Variants in STXBP3 observed in about 807,000 individuals in gnomAD.
STXBP3 encodes the protein syntaxin binding protein 3, also known as syntaxin-binding protein 3.
Under a neutral mutation model 85.7 loss-of-function variants are expected in STXBP3, and 41 were observed. That is an observed-to-expected ratio of 0.48 (90% CI 0.37 to 0.62). STXBP3 has a LOEUF of 0.62. Ranked by LOEUF, STXBP3 falls within the 20% of genes least tolerant of loss-of-function variation. The pLI, the probability that STXBP3 is intolerant of heterozygous loss-of-function variation, is 0.00. For missense variants in STXBP3, 563 were observed against 703.1 expected, an observed-to-expected ratio of 0.80 and a Z score of 2.25; for synonymous variants, 229 against 231.7, an observed-to-expected ratio of 0.99 and a Z score of 0.10.
chr1:108,759,873 A>G lies in STXBP3; in HGVS notation c.338-112A>G, dbSNP rs1662100233. On this transcript the variant is annotated intron_variant, in intron 5 of 18. Coordinates refer to ENST00000370008, the MANE Select transcript of STXBP3 (RefSeq NM_007269.4). ...TTTATATATTATTTATGTCCTCATA[A>G]TAACTGTGAAAGCCAGTAATTATGT... The G allele has an allele frequency of 5.9e-6, 4 of 674,628 alleles. No individual in the cohort carries two copies. In the East Asian group the frequency reaches 1.2e-4, roughly 20 times the overall value. 41.8% of individuals were successfully genotyped at this position (674,628 alleles called of 1,614,324 possible).
intron 12 of STXBP3, 68 bp from the exon 13 acceptor site, chr1:108,794,759 G>T: frequency 7.1e-7 from 1 of 1,416,818 alleles, no homozygotes; most frequent in Non-Finnish European, 9.8e-7. Context: ...TGTCTCAAAA[G>T]TTTAATATTA....
At chr1:108,778,618 A>G (rs1662639885) in intron 8 of STXBP3, among the ~76,000 whole-genome samples, 1 of 152,188 alleles carries the variant, frequency 6.6e-6, no homozygotes, top group Non-Finnish European at 1.5e-5. Context: ...GAATTAAATG[A>G]AATAGTCCAT....
intron 6 of STXBP3, among the ~76,000 whole-genome samples, chr1:108,761,664 T>C (rs542731391): frequency 6.6e-6 from 1 of 152,204 alleles, no homozygotes; most frequent in South Asian, 2.1e-4. Flanking sequence ...TTTACTTACT[T>C]GAAAAGAGTC....
chr1:108,750,628 A>G (rs1557798481), intron 1 of STXBP3, among the ~76,000 whole-genome samples: 1 of 152,188 alleles, frequency 6.6e-6, no homozygotes, highest in Non-Finnish European at 1.5e-5. Context: ...CAGAATTGAA[A>G]TGAATTGTAG....
At chr1:108,776,242 A>T in intron 7 of STXBP3, 91 bp from the exon 8 acceptor site, 1 of 793,012 alleles carries the variant, frequency 1.3e-6, no homozygotes, top group Non-Finnish European at 1.8e-6. Flanking sequence ...CATTTTTTAA[A>T]TTTCAGTTTA....
chr1:108,782,040 A>C (rs1259042561), intron 9 of STXBP3: 1 of 158,540 alleles, frequency 6.3e-6, no homozygotes, highest in Non-Finnish European at 1.4e-5. Context: ...GAAATTTGAT[A>C]ATTGTACTGT....
At position 108,758,529 on chromosome 1, in the gene STXBP3, A is replaced by G. The variant is rs764573268; in HGVS notation, c.278A>G (p.His93Arg). The change falls in exon 5 of 19, where the codon CAT (histidine) becomes CGT (arginine). Residue 93 changes from histidine (H) to arginine (R), a missense_variant. Transcript: ENST00000370008. ...TTTAAGTCTGTAGATTGTTTCTTAC[A>G]TGATTTTGCAAGTAAATCGGAGAAC... ...PTSKSVDCFL[H>R]DFASKSENKY... is the part of the protein sequence containing the mutation. 6.5e-7 allele frequency: 1 copy of G among 1,539,444 alleles called. No homozygotes were observed. Among genetic ancestry groups the G allele is most frequent in the Non-Finnish European group, 8.8e-7 (1 of 1,136,946 alleles).
At chr1:108,768,922 T>C (rs1219424456) in intron 6 of STXBP3, among the ~76,000 whole-genome samples, 1 of 152,094 alleles carries the variant, frequency 6.6e-6, no homozygotes, top group African/African-American at 2.4e-5. Flanking sequence ...TGCTGTCACA[T>C]ATATAATAAG....
intron 3 of STXBP3, among the ~76,000 whole-genome samples, chr1:108,754,852 G>A (rs953869252): frequency 2.6e-5 from 4 of 152,078 alleles, no homozygotes; most frequent in Non-Finnish European, 4.4e-5. Flanking sequence ...CATAGAGCTC[G>A]CTGCTGTGGG....
intron 17 of STXBP3, among the ~76,000 whole-genome samples, chr1:108,805,842 C>G (rs1570777884): frequency 2.0e-5 from 3 of 152,228 alleles, no homozygotes; most frequent in East Asian, 3.9e-4. Flanking sequence ...CTGTAGTGCC[C>G]TGTGATGATG....
chr1:108,777,827 A>G (rs994857364), intron 8 of STXBP3, among the ~76,000 whole-genome samples: 1 of 152,120 alleles, frequency 6.6e-6, no homozygotes, highest in Admixed American at 6.6e-5. Context: ...ACATGCTATC[A>G]TAAGCCCTAA....
intron 13 of STXBP3, among the ~76,000 whole-genome samples, chr1:108,795,172 T>A (rs1570771501): frequency 1.3e-5 from 2 of 152,178 alleles, no homozygotes; most frequent in South Asian, 4.1e-4. Context: ...GGGAGCATGA[T>A]TTCAGGGTGG....
At chr1:108,787,375 G>A (rs1662855728) in intron 11 of STXBP3, among the ~76,000 whole-genome samples, 1 of 151,990 alleles carries the variant, frequency 6.6e-6, no homozygotes, top group Non-Finnish European at 1.5e-5. Flanking sequence ...TACAGTCATG[G>A]GTTCTTAGTT....
chr1:108,788,583 T>C (rs898414308), intron 11 of STXBP3, among the ~76,000 whole-genome samples: 3 of 152,130 alleles, frequency 2.0e-5, no homozygotes, highest in South Asian at 2.1e-4. Context: ...TTAATAGATA[T>C]AGAACTATTT....
At chr1:108,773,476 G>A (rs1045096286) in intron 7 of STXBP3, among the ~76,000 whole-genome samples, 18 of 152,188 alleles carry the variant, frequency 1.2e-4, no homozygotes, top group South Asian at 2.1e-4. Context: ...GAAACACTTC[G>A]AATATTAAAC....
At chr1:108,771,480 A>C (rs1190773817) in intron 6 of STXBP3, among the ~76,000 whole-genome samples, 1 of 101,382 alleles carries the variant, frequency 9.9e-6, no homozygotes, top group Non-Finnish European at 1.8e-5. Context: ...ATATATATCT[A>C]TATATATCAT....
rs1472874219 is a variant in STXBP3 at position 108,771,918 on chromosome 1, TATG to T, written c.439-744_439-742del. ...TATCTATATATCATATATAAATACA[TATG>T]ATATCTATCTGTATCATATATAAAT... is the stretch of plus-strand genomic sequence containing the variant. On this transcript the variant is annotated intron_variant, in intron 6 of 18. Coordinates refer to ENST00000370008, the MANE Select transcript of STXBP3 (RefSeq NM_007269.4). 9.0e-4 allele frequency among the ~76,000 whole-genome samples: 58 copies of T among 64,320 alleles called. 9 individuals carry two copies. Among genetic ancestry groups the T allele is most frequent in the African/African-American group, 3.8e-3 (51 of 13,390 alleles). The allele number at this position is 64,320 out of a possible 152,430, so 42.2% of individuals were successfully genotyped here.
chr1:108,749,283 G>T (rs531920955), intron 1 of STXBP3, among the ~76,000 whole-genome samples: 1 of 152,208 alleles, frequency 6.6e-6, no homozygotes, highest in African/African-American at 2.4e-5. Flanking sequence ...TAAGTCTAGA[G>T]TAGTTTTCAG....
Position 108,782,481 on chromosome 1 carries a change from T to A in STXBP3, c.869T>A (p.Val290Asp). ...CTTGAAGAAGAAGATGACCTCTGGG[T>A]TAGAATTCGACATCGACATATTGCG... is the stretch of plus-strand genomic sequence containing the variant. ...AILEEEDDLW[V>D]RIRHRHIAVV... The change falls in exon 10 of 19, where the codon GTT becomes GAT. Residue 290 changes from valine (V) to aspartate (D), a missense_variant. Val to Asp is a radical substitution (Grantham distance 152). Transcript: ENST00000370008. 1 of 1,613,792 alleles carries A rather than the reference T, an allele frequency of 6.2e-7. No individual in the cohort carries two copies. Among genetic ancestry groups the A allele is most frequent in the South Asian group, 1.1e-5 (1 of 90,988 alleles).
Sources: gnomAD v4.1 joint callset for allele counts (sites outside exome capture counted in the v4.1 genomes callset) on GRCh38, gnomAD v4.1.1 for gene constraint, MANE v1.5 for transcripts, NCBI Gene and HGNC (gene_info 2026-07-23, HGNC 2026-07-21) for gene names.